STXBP3: variants seen among roughly 807,000 people sequenced by gnomAD.
STXBP3 encodes syntaxin binding protein 3.
A neutral mutation model predicts 85.7 loss-of-function variants in STXBP3; 41 were observed. That is an observed-to-expected ratio of 0.48 (90% CI 0.37 to 0.62). STXBP3 has a LOEUF of 0.62. Ranked by LOEUF, STXBP3 falls within the 20% of genes least tolerant of loss-of-function variation. The pLI, the probability that STXBP3 is intolerant of heterozygous loss-of-function variation, is 0.00. For missense variants in STXBP3, 563 were observed against 703.1 expected, an observed-to-expected ratio of 0.80 and a Z score of 2.25; for synonymous variants, 229 against 231.7, an observed-to-expected ratio of 0.99 and a Z score of 0.10.
At chr1:108,749,683 T>C (rs566104880) in intron 1 of STXBP3, among the ~76,000 whole-genome samples, 1 of 152,342 alleles carries the variant, frequency 6.6e-6, no homozygotes, top group South Asian at 2.1e-4. Context: ...TTTTTATGGG[T>C]GCCCTTACTA....
At chr1:108,749,711 C>T (rs766891422) in intron 1 of STXBP3, among the ~76,000 whole-genome samples, 15 of 152,116 alleles carry the variant, frequency 9.9e-5, no homozygotes, top group African/African-American at 2.4e-4. Flanking sequence ...AAAACTAGTT[C>T]GTTCTTTTAG....
intron 18 of STXBP3, 96 bp downstream of exon 18, chr1:108,807,645 T>G (rs1293797656): frequency 2.3e-6 from 3 of 1,298,230 alleles, no homozygotes; most frequent in Non-Finnish European, 3.1e-6. Flanking sequence ...GGCGCAATCT[T>G]GGCTCACCGC....
intron 5 of STXBP3, 141 bp downstream of exon 5, chr1:108,758,729 A>G (rs1456390106): frequency 5.0e-6 from 2 of 403,488 alleles, no homozygotes; most frequent in Non-Finnish European, 9.0e-6. Flanking sequence ...TTTTCTATTT[A>G]TCATTTGTTC....
intron 17 of STXBP3, 38 bp downstream of exon 17, chr1:108,800,343 C>T (rs1281757792): frequency 8.3e-6 from 12 of 1,447,506 alleles, no homozygotes; most frequent in African/African-American, 5.6e-5. Context: ...AATTTTCATT[C>T]TACGGACTAA....
Position 108,782,652 on chromosome 1 carries a change from A to T in STXBP3, c.909A>T (p.Glu303Asp). The T allele has an allele frequency of 2.5e-6, 4 of 1,608,974 alleles. No homozygotes were observed. The highest frequency in any genetic ancestry group is 2.5e-6 in the Non-Finnish European group (3 of 1,178,548). The change falls in exon 11 of 19, where the codon GAA (glutamate) becomes GAT (aspartate). Residue 303 changes from glutamate to aspartate, a missense_variant. Around this residue, in one of 3 missense-constraint regions of STXBP3, gnomAD observed 494 missense variants for 592.8 expected, o/e 0.83. Coordinates refer to ENST00000370008, the MANE Select transcript of STXBP3 (RefSeq NM_007269.4). ...GAATTCTCTCACAATTTGACAGGGAAATTCCCAAGCTTATGAAAGAAATTT... is the reference window on the plus strand; with the variant it reads ...GAATTCTCTCACAATTTGACAGGGATATTCCCAAGCTTATGAAAGAAATTT... The part of the protein sequence containing the change: ...RHRHIAVVLE[E>D]IPKLMKEISS...
In STXBP3 at chr1:108,757,609, G is replaced by A. The variant is rs541198588; in HGVS notation, c.258+843G>A. Among the ~76,000 whole-genome samples, 28 of 152,084 alleles carry A rather than the reference G, an allele frequency of 1.8e-4. 1 individual carries two copies. In the South Asian group the frequency reaches 3.7e-3, roughly 20 times the overall value. ...AATATATATATATGGGTATGTATGTGTGTGTGCATTCTGGCTATTCTGGTT... is the reference window on the plus strand; with the variant it reads ...AATATATATATATGGGTATGTATGTATGTGTGCATTCTGGCTATTCTGGTT... On this transcript the variant is annotated intron_variant, in intron 4 of 18. Coordinates refer to ENST00000370008, the MANE Select transcript of STXBP3 (RefSeq NM_007269.4).
chr1:108,796,133 G>C (rs1663089893), intron 13 of STXBP3, 101 bp from the exon 14 acceptor site: 1 of 1,294,620 alleles, frequency 7.7e-7, no homozygotes, highest in Non-Finnish European at 1.1e-6. Flanking sequence ...AAAGTGCTGG[G>C]ATTACAGGCG....
At position 108,792,490 on chromosome 1, in the gene STXBP3, AT is replaced by A. The variant is rs557069708; in HGVS notation, c.964-1089del. 2.9e-4 allele frequency among the ~76,000 whole-genome samples: 44 copies of A among 152,316 alleles called. No homozygotes were observed. The South Asian group carries it at 9.1e-3, about 32-fold the overall frequency. On this transcript the variant is annotated intron_variant, in intron 11 of 18. Coordinates refer to ENST00000370008, the MANE Select transcript of STXBP3 (RefSeq NM_007269.4). Reference sequence around the variant, plus strand: ...ATTTAGAATACCCATCACCTTGAACATTTATTATTTCTTTGTGTTGGGGACA... The same window carrying A: ...ATTTAGAATACCCATCACCTTGAACATTATTATTTCTTTGTGTTGGGGACA...
chr1:108,786,532 T>G (rs1662832136), intron 11 of STXBP3, among the ~76,000 whole-genome samples: 1 of 152,244 alleles, frequency 6.6e-6, no homozygotes, highest in Non-Finnish European at 1.5e-5. Context: ...CAAGCACTGT[T>G]TATTGTAAAG....
intron 8 of STXBP3, among the ~76,000 whole-genome samples, chr1:108,776,693 G>C (rs1036239116): frequency 2.0e-5 from 3 of 151,928 alleles, no homozygotes; most frequent in African/African-American, 7.3e-5. Context: ...ATGTCTATTT[G>C]GGCAAATTAT....
At chr1:108,771,224 A>G (rs1662390480) in intron 6 of STXBP3, among the ~76,000 whole-genome samples, 1 of 150,292 alleles carries the variant, frequency 6.7e-6, no homozygotes, top group Non-Finnish European at 1.5e-5. Context: ...GGAGAGCGAG[A>G]AAAGAAATAA....
chr1:108,798,833 C>T (rs979716055), intron 16 of STXBP3, among the ~76,000 whole-genome samples: 4 of 152,122 alleles, frequency 2.6e-5, no homozygotes, highest in African/African-American at 9.7e-5. Context: ...CTGTATGTGG[C>T]AAAATATAAT....
At chr1:108,802,304 G>C (rs1663248928) in intron 17 of STXBP3, among the ~76,000 whole-genome samples, 1 of 152,164 alleles carries the variant, frequency 6.6e-6, no homozygotes, top group Admixed American at 6.5e-5. Context: ...GGCTGAGGCA[G>C]GAGAATCGCT....
intron 6 of STXBP3, among the ~76,000 whole-genome samples, chr1:108,762,491 C>G (rs1662160247): frequency 6.9e-6 from 1 of 145,270 alleles, no homozygotes; most frequent in African/African-American, 2.6e-5. Flanking sequence ...ACTGTTATAT[C>G]TTTTTTTTAA....
chr1:108,772,744 T>G lies in STXBP3; in HGVS notation c.518T>G (p.Ile173Ser). The G allele has an allele frequency of 6.2e-7, 1 of 1,605,586 alleles. No homozygotes were observed. The highest frequency in any genetic ancestry group is 2.3e-5 in the East Asian group (1 of 44,124). ...GGTAATGCAAAGGGAAAAGATGCCA[T>G]TATGGAAACAATGGCTGACCAGATA... is the stretch of plus-strand genomic sequence containing the variant. ...DPGNAKGKDA[I>S]METMADQIVT... The change falls in exon 7 of 19, where the codon ATT becomes AGT. Residue 173 changes from isoleucine to serine, a missense_variant. Coordinates refer to ENST00000370008, the MANE Select transcript of STXBP3 (RefSeq NM_007269.4).
At chr1:108,772,535 C>CTA (rs928814095) in intron 6 of STXBP3, 130 bp from the exon 7 acceptor site, 1 of 242,972 alleles carries the variant, frequency 4.1e-6, no homozygotes, top group South Asian at 1.7e-4. Flanking sequence ...TGATATATAT[C>CTA]TATATAATAT....
At chr1:108,792,288 C>T (rs1389606283) in intron 11 of STXBP3, among the ~76,000 whole-genome samples, 1 of 152,110 alleles carries the variant, frequency 6.6e-6, no homozygotes, top group Non-Finnish European at 1.5e-5. Flanking sequence ...AAATGTGTTA[C>T]TTTGAAGTCT....
intron 15 of STXBP3, among the ~76,000 whole-genome samples, 157 bp from the exon 16 acceptor site, chr1:108,797,988 C>T (rs999596357): frequency 3.9e-5 from 6 of 152,182 alleles, no homozygotes; most frequent in Non-Finnish European, 8.8e-5. Flanking sequence ...TATGCGACCA[C>T]ACTCAGATTT....
At chr1:108,772,641 G>A (rs1662493636) in intron 6 of STXBP3, 24 bp from the exon 7 acceptor site, 1 of 1,359,616 alleles carries the variant, frequency 7.4e-7, no homozygotes, top group Non-Finnish European at 9.6e-7. Flanking sequence ...CAGATTAACA[G>A]TGAGTTTTTT....
Sources: allele counts gnomAD v4.1 joint callset (sites outside exome capture counted in the v4.1 genomes callset), GRCh38; gene constraint gnomAD v4.1.1; regional missense constraint gnomAD v4.1.1; transcripts MANE v1.5; gene names NCBI Gene and HGNC (gene_info 2026-07-23, HGNC 2026-07-21).